The following AMOTL1 variants were observed in gnomAD, a reference collection of about 807,000 sequenced individuals.
AMOTL1 encodes the protein angiomotin-like protein 1.
AMOTL1 carries 45 observed loss-of-function variants against 102.9 expected under a neutral mutation model. The observed-to-expected ratio is 0.44, with a 90% CI of 0.34 to 0.56. AMOTL1 has a LOEUF of 0.56. Ranked by LOEUF, AMOTL1 falls within the 20% of genes least tolerant of loss-of-function variation. The pLI is 0.01. For synonymous variants in AMOTL1, 481 were observed against 484.7 expected, an observed-to-expected ratio of 0.99 and a Z score of 0.10; for missense variants, 1,114 against 1,225.6, an observed-to-expected ratio of 0.91 and a Z score of 1.36.
chr11:94,835,732 G>T (rs939006063), intron 6 of AMOTL1, among the ~76,000 whole-genome samples: 7 of 152,192 alleles, frequency 4.6e-5, no homozygotes, highest in Non-Finnish European at 8.8e-5. Context: ...GGCACTGCAG[G>T]TTCAACATAT....
chr11:94,792,218 G>A (rs967974996), intron 1 of AMOTL1, among the ~76,000 whole-genome samples: 1 of 152,122 alleles, frequency 6.6e-6, no homozygotes, highest in Admixed American at 6.5e-5. Flanking sequence ...ACTATCGCAA[G>A]GACAGGAAAC....
intron 9 of AMOTL1, among the ~76,000 whole-genome samples, chr11:94,862,138 AT>A (rs1952787662): frequency 6.6e-6 from 1 of 152,040 alleles, no homozygotes; most frequent in Admixed American, 6.6e-5. Flanking sequence ...GCTTTTACAC[AT>A]ATTTATTGAG....
At chr11:94,721,939 C>T (rs1029207788) in intron 1 of AMOTL1, among the ~76,000 whole-genome samples, 1 of 152,110 alleles carries the variant, frequency 6.6e-6, no homozygotes, top group Non-Finnish European at 1.5e-5. Flanking sequence ...TGTCAATATC[C>T]TATTCTTGGC....
intron 1 of AMOTL1, among the ~76,000 whole-genome samples, chr11:94,779,965 T>C (rs543409094): frequency 2.6e-5 from 4 of 152,334 alleles, no homozygotes; most frequent in African/African-American, 7.2e-5. Context: ...CCTGAAGGAA[T>C]AGACTTTTTC....
intron 2 of AMOTL1, among the ~76,000 whole-genome samples, chr11:94,733,478 A>T (rs1483135081): frequency 1.3e-5 from 2 of 152,162 alleles, no homozygotes; most frequent in African/African-American, 4.8e-5. Context: ...TTCTCTTTCT[A>T]CCACCCACAC....
intron 1 of AMOTL1, among the ~76,000 whole-genome samples, chr11:94,710,753 T>C (rs986325176): frequency 6.6e-6 from 1 of 152,198 alleles, no homozygotes; most frequent in Non-Finnish European, 1.5e-5. Context: ...TGCCATTTTT[T>C]GTCCCTCTTT....
chr11:94,861,054 A>G (rs1952764692), intron 9 of AMOTL1, among the ~76,000 whole-genome samples: 1 of 152,200 alleles, frequency 6.6e-6, no homozygotes, highest in African/African-American at 2.4e-5. Context: ...AGAAAGACCT[A>G]CAGACCCATG....
intron 1 of AMOTL1, among the ~76,000 whole-genome samples, chr11:94,771,334 T>G (rs2135516748): frequency 6.6e-6 from 1 of 151,622 alleles, no homozygotes; most frequent in Admixed American, 6.6e-5. Flanking sequence ...TTCTGCAGTG[T>G]TTTGAATAAT....
chr11:94,810,734 G>A (rs1437390438), intron 3 of AMOTL1, among the ~76,000 whole-genome samples: 1 of 151,242 alleles, frequency 6.6e-6, no homozygotes, highest in East Asian at 1.9e-4. Context: ...AGGAGAGAGA[G>A]CAGAAGTAAA....
intron 1 of AMOTL1, among the ~76,000 whole-genome samples, chr11:94,720,706 C>G (rs1950162622): frequency 6.6e-6 from 1 of 152,098 alleles, no homozygotes; most frequent in South Asian, 2.1e-4. Context: ...GACAGGGCAT[C>G]TGATTAGCCC....
At chr11:94,767,300 T>C (rs1950866862), upstream of AMOTL1, among the ~76,000 whole-genome samples, 1 of 152,172 alleles carries the variant, frequency 6.6e-6, no homozygotes, top group African/African-American at 2.4e-5. Flanking sequence ...ATTTGGGCTT[T>C]ATCTTGAGAG....
chr11:94,870,354 C>A (rs542091474), intron 12 of AMOTL1, among the ~76,000 whole-genome samples: 1 of 152,300 alleles, frequency 6.6e-6, no homozygotes, highest in South Asian at 2.1e-4. Context: ...AGATGTGATT[C>A]TTTTCCAAGT....
At chr11:94,847,451 A>T (rs1592029797) in intron 6 of AMOTL1, among the ~76,000 whole-genome samples, 1 of 152,326 alleles carries the variant, frequency 6.6e-6, no homozygotes, top group South Asian at 2.1e-4. Context: ...TTTGAGCCAG[A>T]TGCTCTTATT....
chr11:94,862,082 A>T (rs1376023415), intron 9 of AMOTL1, among the ~76,000 whole-genome samples: 1 of 152,034 alleles, frequency 6.6e-6, no homozygotes, highest in African/African-American at 2.4e-5. Flanking sequence ...GGAGTCTTGG[A>T]TGGGCAGAGG....
chr11:94,804,877 C>T (rs1951542790), intron 3 of AMOTL1, among the ~76,000 whole-genome samples: 1 of 152,168 alleles, frequency 6.6e-6, no homozygotes, highest in Non-Finnish European at 1.5e-5. Flanking sequence ...AAACCTTCAC[C>T]GAATGCTGAC....
At chr11:94,831,704 C>G (rs571788214) in intron 6 of AMOTL1, among the ~76,000 whole-genome samples, 163 bp downstream of exon 6, 1 of 152,146 alleles carries the variant, frequency 6.6e-6, no homozygotes, top group African/African-American at 2.4e-5. Flanking sequence ...TAGGTCTGCC[C>G]GAGACAAAGC....
intron 3 of AMOTL1, among the ~76,000 whole-genome samples, chr11:94,800,630 G>C (rs764918675): frequency 6.6e-6 from 1 of 152,124 alleles, no homozygotes; most frequent in Admixed American, 6.5e-5. Flanking sequence ...TGTGGAGACC[G>C]TCCAAACTCC....
At chr11:94,771,295 A>AAAT (rs1950948302) in intron 1 of AMOTL1, among the ~76,000 whole-genome samples, 1 of 143,074 alleles carries the variant, frequency 7.0e-6, no homozygotes, top group Non-Finnish European at 1.5e-5. Context: ...TCTGCATTTT[A>AAAT]AATGCATAAG....
intron 9 of AMOTL1, among the ~76,000 whole-genome samples, chr11:94,863,539 C>T (rs1952816366): frequency 6.6e-6 from 1 of 151,962 alleles, no homozygotes; most frequent in Non-Finnish European, 1.5e-5. Context: ...TTGCAGTGAG[C>T]TGAGATCACG....
Sources: gnomAD v4.1 joint callset for allele counts (sites outside exome capture counted in the v4.1 genomes callset) on GRCh38, gnomAD v4.1.1 for gene constraint, MANE v1.5 for transcripts, NCBI Gene and HGNC (gene_info 2026-07-23, HGNC 2026-07-21) for gene names.